Variants in CAMK2D observed in about 807,000 individuals in gnomAD.
CAMK2D encodes calcium/calmodulin dependent protein kinase II delta.
In CAMK2D, 37 loss-of-function variants were observed where a neutral mutation model predicts 84.0. That is an observed-to-expected ratio of 0.44 (90% CI 0.34 to 0.58). The LOEUF is 0.58. Ranked by LOEUF, CAMK2D falls within the 20% of genes least tolerant of loss-of-function variation. The pLI is 0.02. For missense variants in CAMK2D, 448 were observed against 652.5 expected, an observed-to-expected ratio of 0.69 and a Z score of 3.41; for synonymous variants, 202 against 212.5, an observed-to-expected ratio of 0.95 and a Z score of 0.43.
chr4:113,759,091 GGACA>G (rs1451431814), intron 2 of CAMK2D: 3 of 293,408 alleles, frequency 1.0e-5, no homozygotes, highest in South Asian at 1.5e-4. Flanking sequence ...ATTGCTCATA[GGACA>G]GATAGAATTT....
At chr4:113,496,544 G>C (rs2097935483) in intron 16 of CAMK2D, among the ~76,000 whole-genome samples, 1 of 151,388 alleles carries the variant, frequency 6.6e-6, no homozygotes, top group African/African-American at 2.4e-5. Context: ...CACCCACCGG[G>C]TTCAAGTGAT....
intron 4 of CAMK2D, among the ~76,000 whole-genome samples, chr4:113,593,490 A>T (rs564073251): frequency 6.6e-6 from 1 of 152,302 alleles, no homozygotes; most frequent in South Asian, 2.1e-4. Context: ...CTGAAAGATA[A>T]AAACTTTAGG....
At chr4:113,563,927 G>A (rs1057501409) in intron 4 of CAMK2D, among the ~76,000 whole-genome samples, 10 of 152,242 alleles carry the variant, frequency 6.6e-5, no homozygotes, top group Admixed American at 3.9e-4. Context: ...AGGGAACTTA[G>A]TGAAAAATAT....
intron 3 of CAMK2D, among the ~76,000 whole-genome samples, chr4:113,641,141 T>G (rs2099130863): frequency 6.6e-6 from 1 of 152,232 alleles, no homozygotes; most frequent in Admixed American, 6.5e-5. Context: ...GTTCACCTTC[T>G]AGTGCTTTAT....
At chr4:113,662,487 C>A (rs1292625888) in intron 2 of CAMK2D, among the ~76,000 whole-genome samples, 1 of 152,066 alleles carries the variant, frequency 6.6e-6, no homozygotes, top group Non-Finnish European at 1.5e-5. Flanking sequence ...CAAAATAAAT[C>A]ATAGAGAGAA....
At chr4:113,456,647 CTACTG>C (rs1336053741) in intron 19 of CAMK2D, 2 of 152,342 alleles carry the variant, frequency 1.3e-5, no homozygotes, top group African/African-American at 4.8e-5. Flanking sequence ...TTCATTAACT[CTACTG>C]TATTCTGAAG....
rs201917059 is a variant in CAMK2D at position 113,507,915 on chromosome 4, AC to A, written c.984+1722del. On this transcript the variant is annotated intron_variant, in intron 13 of 20. Coordinates refer to ENST00000511664, the MANE Select transcript of CAMK2D (RefSeq NM_001321571.2). Reference sequence around the variant, plus strand: ...GCAACCATAAAGAACATTAAAAAAAACATATAGTTTTTTGTTTGTTTGTTTT... The same window carrying A: ...GCAACCATAAAGAACATTAAAAAAAAATATAGTTTTTTGTTTGTTTGTTTT... Among the ~76,000 whole-genome samples, 1,139 of 152,088 alleles carry A rather than the reference AC, an allele frequency of 7.5e-3. 14 individuals are homozygous for A. Among genetic ancestry groups the A allele is most frequent in the African/African-American group, 0.026 (1,062 of 41,370 alleles).
chr4:113,545,234 A>T (rs549153804), intron 6 of CAMK2D, among the ~76,000 whole-genome samples: 3 of 152,240 alleles, frequency 2.0e-5, no homozygotes, highest in African/African-American at 7.2e-5. Context: ...GCATTACGTT[A>T]AACAGCTATG....
chr4:113,463,180 A>G (rs998230798), intron 17 of CAMK2D, among the ~76,000 whole-genome samples: 2 of 152,210 alleles, frequency 1.3e-5, no homozygotes, highest in African/African-American at 2.4e-5. Flanking sequence ...ACATTTAGCT[A>G]ATCTCGTCCA....
Position 113,531,263 on chromosome 4 carries a change from A to ACTT in CAMK2D, c.551_553dup (p.Glu184dup), listed in dbSNP as rs766729015. The ACTT allele has an allele frequency of 6.2e-7, 1 of 1,604,610 alleles. No individual in the cohort carries two copies. On this transcript the variant is annotated inframe_insertion, in exon 8 of 21. Coordinates refer to ENST00000511664, the MANE Select transcript of CAMK2D (RefSeq NM_001321571.2). ...CTTTCCATAAGGATCTTTACGTAAAACTTCTGGAGAAAGATATCCAGGTGT... is the reference window on the plus strand; with the variant it reads ...CTTTCCATAAGGATCTTTACGTAAAACTTCTTCTGGAGAAAGATATCCAGGTGT...
At position 113,537,457 on chromosome 4, in the gene CAMK2D, G is replaced by GA. The variant is rs368611529; in HGVS notation, c.415-15dup. ...CAAATTCTCAGGCTTTATTTAGAAA[G>GA]AAAAAAAAAGAGACTGAAGTGAGAA... On this transcript the variant is annotated splice_polypyrimidine_tract_variant and intron_variant, in intron 6 of 20. Transcript: ENST00000511664. The GA allele has an allele frequency of 1.7e-3, 2,346 of 1,408,886 alleles. 4 individuals are homozygous for GA. The highest frequency in any genetic ancestry group is 5.6e-3 in the Middle Eastern group (29 of 5,146). 87.3% of individuals were successfully genotyped at this position (1,408,886 alleles called of 1,614,324 possible).
At chr4:113,510,608 C>T (rs939139805) in intron 12 of CAMK2D, among the ~76,000 whole-genome samples, 1 of 152,018 alleles carries the variant, frequency 6.6e-6, no homozygotes, top group African/African-American at 2.4e-5. Context: ...ATTAGTACAC[C>T]AAGTGTAGAA....
chr4:113,759,408 T>C lies in CAMK2D; in HGVS notation c.72A>G (p.Ala24=), dbSNP rs187637155. 1.3e-4 allele frequency: 215 copies of C among 1,594,366 alleles called. No homozygotes were observed. In the Middle Eastern group the frequency reaches 2.0e-3, roughly 15 times the overall value. The change falls in exon 2 of 21, where the codon GCA becomes GCG. Residue 24 remains alanine, a synonymous_variant. Coordinates refer to ENST00000511664, the MANE Select transcript of CAMK2D (RefSeq NM_001321571.2). ...TCATACATCTTCTCACCACTGAGAA[T>C]GCCCCCCTGGAAACCAATAATTAGC... The part of the protein sequence containing the change: ...YQLFEELGKG[A]FSVVRRCMKI...
intron 6 of CAMK2D, among the ~76,000 whole-genome samples, chr4:113,544,628 A>C: frequency 6.6e-6 from 1 of 152,228 alleles, no homozygotes; most frequent in Non-Finnish European, 1.5e-5. Context: ...CACAGGGTAC[A>C]TGGTAACTGC....
At chr4:113,584,836 T>A (rs939589300) in intron 4 of CAMK2D, among the ~76,000 whole-genome samples, 1 of 152,172 alleles carries the variant, frequency 6.6e-6, no homozygotes, top group African/African-American at 2.4e-5. Context: ...TAAAAGATAT[T>A]AATGATGCCT....
intron 3 of CAMK2D, among the ~76,000 whole-genome samples, chr4:113,657,243 C>T (rs763781932): frequency 6.6e-6 from 1 of 152,074 alleles, no homozygotes; most frequent in Non-Finnish European, 1.5e-5. Context: ...AGTAGCCACC[C>T]GGTCCCCTGG....
chr4:113,671,840 G>A (rs1317616515), intron 2 of CAMK2D, among the ~76,000 whole-genome samples: 1 of 152,142 alleles, frequency 6.6e-6, no homozygotes, highest in Non-Finnish European at 1.5e-5. Flanking sequence ...GAGGAAAAAT[G>A]TTTTTGTTAT....
At chr4:113,604,046 C>T (rs2154262746) in intron 4 of CAMK2D, among the ~76,000 whole-genome samples, 1 of 152,072 alleles carries the variant, frequency 6.6e-6, no homozygotes, top group South Asian at 2.1e-4. Context: ...AGACTCAATG[C>T]ACCTATAAAA....
At chr4:113,698,899 C>G (rs1178312920) in intron 2 of CAMK2D, among the ~76,000 whole-genome samples, 2 of 151,954 alleles carry the variant, frequency 1.3e-5, no homozygotes, top group Non-Finnish European at 2.9e-5. Flanking sequence ...ATTAAGGACG[C>G]CAGGGGTGGA....
Sources: gnomAD v4.1 joint callset for allele counts (sites outside exome capture counted in the v4.1 genomes callset) on GRCh38, gnomAD v4.1.1 for gene constraint, MANE v1.5 for transcripts, NCBI Gene and HGNC (gene_info 2026-07-23, HGNC 2026-07-21) for gene names.